NFKB1: variants seen among roughly 807,000 people sequenced by gnomAD.
NFKB1 encodes the protein nuclear factor kappa B subunit 1.
Under a neutral mutation model 105.1 loss-of-function variants are expected in NFKB1, and 9 were observed. That is an observed-to-expected ratio of 0.09 (90% CI 0.05 to 0.15). The LOEUF (loss-of-function observed/expected upper bound fraction) is 0.15, where lower values mean the gene tolerates loss of function less well. Among genes scored for constraint, NFKB1 ranks in the 10% least tolerant of loss-of-function variants. The pLI is 1.00. For missense variants in NFKB1, 830 were observed against 1,203.7 expected (o/e 0.69, Z 4.59); for synonymous variants, 440 against 442.2 (o/e 1.00, Z 0.06).
intron 1 of NFKB1, among the ~76,000 whole-genome samples, chr4:102,515,982 C>T (rs1450055550): frequency 2.0e-5 from 3 of 152,040 alleles, no homozygotes; most frequent in East Asian, 3.8e-4. Context: ...TCAATTTCAC[C>T]TTTATTTTTA....
At chr4:102,530,534 C>T (rs1741217744) in intron 3 of NFKB1, among the ~76,000 whole-genome samples, 1 of 152,018 alleles carries the variant, frequency 6.6e-6, no homozygotes, top group Non-Finnish European at 1.5e-5. Flanking sequence ...GGTGTGATGG[C>T]TCTTTTTATG....
intron 1 of NFKB1, among the ~76,000 whole-genome samples, chr4:102,511,455 G>A (rs898671086): frequency 1.4e-4 from 21 of 152,058 alleles, no homozygotes; most frequent in Non-Finnish European, 5.9e-5. Context: ...AGGGAGGATT[G>A]CTTAAACCCA....
At chr4:102,558,677 G>T (rs574090084) in intron 5 of NFKB1, among the ~76,000 whole-genome samples, 29 of 152,080 alleles carry the variant, frequency 1.9e-4, no homozygotes, top group African/African-American at 6.8e-4. Context: ...AAGAGACAGG[G>T]TCTCACCCTG....
intron 5 of NFKB1, among the ~76,000 whole-genome samples, chr4:102,551,744 T>G (rs1287730506): frequency 6.6e-6 from 1 of 152,146 alleles, no homozygotes; most frequent in Non-Finnish European, 1.5e-5. Flanking sequence ...TTTAATATAT[T>G]TTATCATTGT....
chr4:102,523,525 T>C (rs547890866), intron 1 of NFKB1, among the ~76,000 whole-genome samples: 13 of 152,194 alleles, frequency 8.5e-5, no homozygotes, highest in African/African-American at 2.9e-4. Context: ...TGGAGTGTTA[T>C]GTGATATATT....
intron 5 of NFKB1, among the ~76,000 whole-genome samples, chr4:102,558,981 G>A (rs879360930): frequency 3.9e-5 from 6 of 152,186 alleles, no homozygotes; most frequent in Non-Finnish European, 8.8e-5. Flanking sequence ...GTCAGTGAAG[G>A]CCACCTTGAG....
chr4:102,582,987 T>C (rs1465546696), intron 10 of NFKB1, 30 bp downstream of exon 10: 6 of 1,473,442 alleles, frequency 4.1e-6, no homozygotes, highest in Middle Eastern at 1.8e-4. Context: ...TATTAATCCT[T>C]ATTATTTTTA....
chr4:102,579,186 C>G, intron 8 of NFKB1, 147 bp downstream of exon 8: 1 of 760,482 alleles, frequency 1.3e-6, no homozygotes, highest in Non-Finnish European at 2.0e-6. Flanking sequence ...ATAGGAAAAT[C>G]TAGCTTGAAA....
At chr4:102,602,462 C>A (rs1204375498) in intron 16 of NFKB1, among the ~76,000 whole-genome samples, 1 of 151,346 alleles carries the variant, frequency 6.6e-6, no homozygotes, top group Non-Finnish European at 1.5e-5. Context: ...ATGGTGTGAA[C>A]CTGGAGGCTG....
At chr4:102,516,163 T>G (rs959219685) in intron 1 of NFKB1, among the ~76,000 whole-genome samples, 2 of 152,028 alleles carry the variant, frequency 1.3e-5, no homozygotes, top group African/African-American at 4.8e-5. Flanking sequence ...TTCTTGTCCT[T>G]TGCTATTTTG....
chr4:102,607,344 T>G (rs765088459), intron 18 of NFKB1, 25 bp downstream of exon 18: 5 of 1,596,816 alleles, frequency 3.1e-6, no homozygotes, highest in Non-Finnish European at 3.4e-6. Flanking sequence ...TATTTGCTTT[T>G]GCATTAAATT....
intron 1 of NFKB1, among the ~76,000 whole-genome samples, chr4:102,515,104 A>ATTTTTTTTTTTTTTTTTT (rs761237095): frequency 8.8e-6 from 1 of 113,506 alleles, no homozygotes; most frequent in African/African-American, 3.3e-5. Context: ...TATTATTATT[A>ATTTTTTTTTTTTTTTTTT]TTATTTTTTT....
At chr4:102,538,974 C>G (rs1312604184) in intron 5 of NFKB1, among the ~76,000 whole-genome samples, 1 of 152,026 alleles carries the variant, frequency 6.6e-6, no homozygotes. Context: ...CTCGTTGACT[C>G]ATGTCTGTAA....
intron 1 of NFKB1, among the ~76,000 whole-genome samples, chr4:102,525,258 C>A (rs976055421): frequency 7.3e-6 from 1 of 137,376 alleles, no homozygotes; most frequent in Non-Finnish European, 1.7e-5. Context: ...AAACTCAGGA[C>A]ACTGTGGCGA....
In NFKB1 at chr4:102,568,661, C is replaced by T. The variant is rs754242950; in HGVS notation, c.407+1526C>T. ...ACTAGTATTTATTATTATAAAACCT[C>T]CAGTATGGTGTCTATAATTTGGTGT... On this transcript the variant is annotated intron_variant, in intron 6 of 23. Coordinates refer to ENST00000226574, the MANE Select transcript of NFKB1 (RefSeq NM_003998.4). Among the ~76,000 whole-genome samples the T allele has an allele frequency of 2.8e-4, 43 of 152,216 alleles. 1 individual carries two copies. The highest frequency in any genetic ancestry group is 3.9e-4 in the East Asian group (2 of 5,186).
chr4:102,594,625 A>G (rs1281254250), intron 12 of NFKB1, among the ~76,000 whole-genome samples: 2 of 152,130 alleles, frequency 1.3e-5, no homozygotes, highest in Non-Finnish European at 2.9e-5. Flanking sequence ...TCCCCTTCAC[A>G]TAGGAGTGAA....
intron 10 of NFKB1, 128 bp downstream of exon 10, chr4:102,583,085 TC>T: frequency 1.8e-6 from 1 of 553,160 alleles, no homozygotes; most frequent in Non-Finnish European, 3.1e-6. Context: ...GCTTGAGGGA[TC>T]CTCCTGTCTC....
At chr4:102,584,537 C>T (rs766107838) in intron 10 of NFKB1, 145 bp from the exon 11 acceptor site, 10 of 690,990 alleles carry the variant, frequency 1.4e-5, no homozygotes, top group Non-Finnish European at 2.2e-5. Flanking sequence ...TTGGAACTTT[C>T]TCCAGGACAC....
At chr4:102,504,471 A>G (rs1369370325) in intron 1 of NFKB1, among the ~76,000 whole-genome samples, 1 of 152,176 alleles carries the variant, frequency 6.6e-6, no homozygotes. Flanking sequence ...TACAAGGTGA[A>G]TTGTCTACAG....
Sources: gnomAD v4.1 joint callset for allele counts (sites outside exome capture counted in the v4.1 genomes callset) on GRCh38, gnomAD v4.1.1 for gene constraint, MANE v1.5 for transcripts, NCBI Gene and HGNC (gene_info 2026-07-23, HGNC 2026-07-21) for gene names.